The following DIAPH2 variants were observed in gnomAD, a reference collection of about 807,000 sequenced individuals.
The protein encoded by DIAPH2 is protein diaphanous homolog 2.
Under a neutral mutation model 92.7 loss-of-function variants are expected in DIAPH2, and 35 were observed. The observed-to-expected ratio is 0.38, with a 90% CI of 0.29 to 0.50. The LOEUF (loss-of-function observed/expected upper bound fraction) is 0.50. Ranked by LOEUF, DIAPH2 falls within the 20% of genes least tolerant of loss-of-function variation. DIAPH2 has a pLI of 0.94. For synonymous variants in DIAPH2, 301 were observed against 280.4 expected (o/e 1.07, Z -0.73); for missense variants, 701 against 819.5 (o/e 0.86, Z 1.77).
chrX:97,407,296 T>C (rs2069819665), intron 25 of DIAPH2, among the ~76,000 whole-genome samples: 1 of 112,092 alleles, frequency 8.9e-6, no homozygotes, highest in African/African-American at 3.2e-5. Flanking sequence ...AAGTAAAGAT[T>C]TTTAAAGAAT....
chrX:97,105,123 C>G (rs1914239382), intron 20 of DIAPH2, among the ~76,000 whole-genome samples: 1 of 111,311 alleles, frequency 9.0e-6, no homozygotes, highest in African/African-American at 3.3e-5. Flanking sequence ...AGAACCAGAA[C>G]CTGTCTCAGG....
At chrX:97,141,839 G>A in intron 22 of DIAPH2, 45 bp downstream of exon 22, 1 of 1,125,050 alleles carries the variant, frequency 8.9e-7, no homozygotes, top group Non-Finnish European at 1.2e-6. Context: ...TGCCTATATG[G>A]TTTAAATGGA....
At chrX:97,260,997 G>A (rs752068874) in intron 23 of DIAPH2, among the ~76,000 whole-genome samples, 2 of 112,551 alleles carry the variant, frequency 1.8e-5, no homozygotes, top group East Asian at 2.8e-4. Context: ...ACTGCCATGC[G>A]TTAGTCTTTT....
intron 26 of DIAPH2, among the ~76,000 whole-genome samples, chrX:97,465,302 C>T (rs1000001912): frequency 9.0e-6 from 1 of 110,945 alleles, no homozygotes; most frequent in Non-Finnish European, 1.9e-5. Flanking sequence ...CACGTTTATG[C>T]GTTTATCTAT....
At chrX:96,956,757 A>G (rs1224248644) in intron 15 of DIAPH2, among the ~76,000 whole-genome samples, 2 of 111,688 alleles carry the variant, frequency 1.8e-5, no homozygotes, top group Non-Finnish European at 3.8e-5. Flanking sequence ...TATTGTTTAT[A>G]TCATTATCAG....
At chrX:97,328,743 ATTAAT>A (rs2068972684) in intron 23 of DIAPH2, among the ~76,000 whole-genome samples, 1 of 111,653 alleles carries the variant, frequency 9.0e-6, no homozygotes, top group African/African-American at 3.2e-5. Flanking sequence ...TAAATAATTT[ATTAAT>A]TTCATTCATA....
At chrX:96,781,429 CA>C (rs1008992758) in intron 4 of DIAPH2, among the ~76,000 whole-genome samples, 2 of 111,677 alleles carry the variant, frequency 1.8e-5, no homozygotes, top group Admixed American at 9.5e-5. Flanking sequence ...ACCCTTCCAA[CA>C]CAGACATTTC....
chrX:97,007,545 C>T (rs926079919), intron 17 of DIAPH2, among the ~76,000 whole-genome samples: 2 of 110,114 alleles, frequency 1.8e-5, no homozygotes, highest in Admixed American at 1.9e-4. Flanking sequence ...ATGGGAGCTC[C>T]ATTGCATGTT....
At chrX:97,485,940 T>C (rs1435651647) in intron 26 of DIAPH2, among the ~76,000 whole-genome samples, 1 of 109,081 alleles carries the variant, frequency 9.2e-6, no homozygotes, top group Non-Finnish European at 1.9e-5. Context: ...GTGCAAAAAA[T>C]CCCACTTCTA....
chrX:97,182,403 A>C (rs2067547744), intron 22 of DIAPH2, among the ~76,000 whole-genome samples: 1 of 111,439 alleles, frequency 9.0e-6, no homozygotes, highest in East Asian at 2.8e-4. Flanking sequence ...TTTCAATTTT[A>C]TTTAGAAGGC....
chrX:96,749,152 A>ATC (rs1569382827), intron 3 of DIAPH2, among the ~76,000 whole-genome samples: 1 of 96,123 alleles, frequency 1.0e-5, no homozygotes, highest in Non-Finnish European at 2.1e-5. Flanking sequence ...AAAAATATAT[A>ATC]TATATATATA....
chrX:97,168,087 G>GTT (rs2067424741), intron 22 of DIAPH2, among the ~76,000 whole-genome samples: 1 of 103,510 alleles, frequency 9.7e-6, no homozygotes, highest in African/African-American at 3.7e-5. Flanking sequence ...AAATTAGACA[G>GTT]TCTTTTTTTT....
chrX:97,254,602 G>A (rs2068220192), intron 23 of DIAPH2, among the ~76,000 whole-genome samples: 2 of 110,034 alleles, frequency 1.8e-5, no homozygotes, highest in South Asian at 7.8e-4. Flanking sequence ...ATTATGCTAG[G>A]AATATCTATA....
chrX:97,538,655 A>G (rs2071115714), intron 26 of DIAPH2, among the ~76,000 whole-genome samples: 2 of 112,376 alleles, frequency 1.8e-5, no homozygotes, highest in Non-Finnish European at 3.8e-5. Flanking sequence ...CAGCTTTGAT[A>G]ATGAAAAAAC....
intron 22 of DIAPH2, among the ~76,000 whole-genome samples, chrX:97,227,578 T>G (rs191468286): frequency 8.9e-6 from 1 of 111,940 alleles, no homozygotes; most frequent in East Asian, 2.8e-4. Context: ...TTAATCAGGG[T>G]GACACTAAGA....
chrX:97,160,982 G>C (rs913426848), intron 22 of DIAPH2, among the ~76,000 whole-genome samples: 2 of 109,291 alleles, frequency 1.8e-5, no homozygotes, highest in African/African-American at 6.6e-5. Context: ...ATTTTAACTT[G>C]AAGAGCAAGG....
intron 22 of DIAPH2, among the ~76,000 whole-genome samples, chrX:97,194,628 C>T (rs1041937217): frequency 2.7e-5 from 3 of 111,315 alleles, no homozygotes; most frequent in Admixed American, 9.6e-5. Context: ...AGTGATTTCA[C>T]CTGTCCAGAT....
At chrX:97,286,888 C>T (rs761095915) in intron 23 of DIAPH2, among the ~76,000 whole-genome samples, 1 of 111,358 alleles carries the variant, frequency 9.0e-6, no homozygotes, top group Non-Finnish European at 1.9e-5. Flanking sequence ...TGTCCCTTCA[C>T]TTCGCTCAAC....
intron 2 of DIAPH2, among the ~76,000 whole-genome samples, chrX:96,736,422 G>T (rs1315890830): frequency 3.6e-5 from 4 of 110,632 alleles, no homozygotes; most frequent in Non-Finnish European, 7.6e-5. Flanking sequence ...ACAGAGTCTC[G>T]CCCTGTCACC....
Sources: allele counts gnomAD v4.1 joint callset (sites outside exome capture counted in the v4.1 genomes callset), GRCh38; gene constraint gnomAD v4.1.1; transcripts MANE v1.5; gene names NCBI Gene and HGNC (gene_info 2026-07-23, HGNC 2026-07-21).